The following NEDD9 variants were observed in gnomAD, a reference collection of about 807,000 sequenced individuals.
NEDD9 encodes neural precursor cell expressed, developmentally down-regulated 9.
Under a neutral mutation model 76.6 loss-of-function variants are expected in NEDD9, and 26 were observed. The observed-to-expected ratio is 0.34, with a 90% CI of 0.25 to 0.47. The LOEUF (loss-of-function observed/expected upper bound fraction) is 0.47, where lower values mean the gene tolerates loss of function less well. Ranked by LOEUF, NEDD9 falls within the 20% of genes least tolerant of loss-of-function variation. The pLI, the probability that NEDD9 is intolerant of heterozygous loss-of-function variation, is 1.00. For synonymous variants in NEDD9, 392 were observed against 414.2 expected (o/e 0.95, Z 0.65); for missense variants, 937 against 1,058.5 (o/e 0.89, Z 1.59).
chr6:11,196,851 A>G (rs1758306641), intron 2 of NEDD9, among the ~76,000 whole-genome samples: 1 of 152,140 alleles, frequency 6.6e-6, no homozygotes, highest in African/African-American at 2.4e-5. Context: ...GTGGAAGATC[A>G]GGGAGCTCGA....
intron 1 of NEDD9, among the ~76,000 whole-genome samples, chr6:11,358,436 T>C (rs1325024591): frequency 1.3e-5 from 2 of 152,262 alleles, no homozygotes. Context: ...TGGAATCTTT[T>C]TGGTGTTGGA....
chr6:11,266,355 G>A (rs562685886), intron 3 of NEDD9, among the ~76,000 whole-genome samples: 117 of 152,200 alleles, frequency 7.7e-4, no homozygotes, highest in African/African-American at 2.8e-3. Context: ...TTGGCATCTA[G>A]TAGCATCTGG....
intron 1 of NEDD9, among the ~76,000 whole-genome samples, chr6:11,216,495 T>C (rs944821696): frequency 2.9e-4 from 44 of 152,340 alleles, no homozygotes; most frequent in African/African-American, 1.0e-3. Context: ...AGAATTGCGT[T>C]CTTTCAGTTT....
rs181425683 is a variant in NEDD9, at chr6:11,192,470, C to G, written c.562-24G>C. The G allele has an allele frequency of 1.9e-5, 29 of 1,553,734 alleles. No homozygotes were observed. The African/African-American group carries it at 3.4e-4, about 18-fold the overall frequency. ...ACCTGAAGAGAAACCCGTGAGTTAC[C>G]CAGAATGGAAATGTCTTATACTTGG... On this transcript the variant is annotated intron_variant, in intron 3 of 6. Coordinates refer to ENST00000379446, the MANE Select transcript of NEDD9 (RefSeq NM_006403.4).
rs1442539489 is a variant in NEDD9 at position 11,185,076 on chromosome 6, A to C, written c.*86T>G. 1 of 1,407,490 alleles carries C rather than the reference A, an allele frequency of 7.1e-7. No individual in the cohort carries two copies. The highest frequency in any genetic ancestry group is 9.6e-7 in the Non-Finnish European group (1 of 1,045,932). 87.2% of individuals were successfully genotyped at this position (1,407,490 alleles called of 1,614,324 possible). ...CATTTTTATATAAAATATCTACAAA[A>C]ATAGATAACATTTACAAAAACCAGA... On this transcript the variant is annotated 3_prime_UTR_variant, in exon 7 of 7. Coordinates refer to ENST00000379446, the MANE Select transcript of NEDD9 (RefSeq NM_006403.4).
chr6:11,275,690 T>C (rs1258945248), intron 3 of NEDD9, among the ~76,000 whole-genome samples: 1 of 152,162 alleles, frequency 6.6e-6, no homozygotes, highest in Non-Finnish European at 1.5e-5. Flanking sequence ...GGTGCTAGGA[T>C]AGAAACAAGC....
intron 1 of NEDD9, among the ~76,000 whole-genome samples, chr6:11,220,186 G>A (rs572275920): frequency 6.6e-6 from 1 of 152,226 alleles, no homozygotes; most frequent in East Asian, 1.9e-4. Flanking sequence ...CTGCTGAGAG[G>A]TGTTCAACAT....
chr6:11,297,695 G>A (rs1760930588), intron 3 of NEDD9, among the ~76,000 whole-genome samples: 1 of 151,988 alleles, frequency 6.6e-6, no homozygotes, highest in Non-Finnish European at 1.5e-5. Context: ...CTTCTTTTGA[G>A]GGCTTAGTAC....
intron 3 of NEDD9, chr6:11,305,227 T>C: frequency 2.1e-6 from 2 of 938,782 alleles, no homozygotes; most frequent in South Asian, 1.4e-5. Context: ...ATTTTGAGCA[T>C]GAGTTACTCT....
At chr6:11,286,968 T>C (rs1224268013) in intron 3 of NEDD9, among the ~76,000 whole-genome samples, 1 of 152,202 alleles carries the variant, frequency 6.6e-6, no homozygotes, top group African/African-American at 2.4e-5. Context: ...ATTGGAGGCT[T>C]CTCTACTCAG....
intron 1 of NEDD9, among the ~76,000 whole-genome samples, chr6:11,340,030 C>G (rs1286537384): frequency 6.6e-6 from 1 of 152,222 alleles, no homozygotes; most frequent in Non-Finnish European, 1.5e-5. Context: ...GTGATGGCCG[C>G]AAGTTCAGGT....
chr6:11,261,970 C>T (rs974554059), intron 3 of NEDD9, among the ~76,000 whole-genome samples: 1 of 152,162 alleles, frequency 6.6e-6, no homozygotes, highest in African/African-American at 2.4e-5. Flanking sequence ...TAGTGGAAAC[C>T]TCCACCTTAA....
At chr6:11,364,493 G>A (rs1433590113) in intron 1 of NEDD9, among the ~76,000 whole-genome samples, 2 of 152,148 alleles carry the variant, frequency 1.3e-5, no homozygotes, top group Admixed American at 6.5e-5. Context: ...ATTTTAAGGT[G>A]AGGAAGCTGA....
intron 1 of NEDD9, among the ~76,000 whole-genome samples, chr6:11,363,737 C>A (rs1330807337): frequency 3.3e-5 from 5 of 152,114 alleles, no homozygotes; most frequent in Non-Finnish European, 5.9e-5. Context: ...GATGCATGAA[C>A]CTTTTTTGGG....
rs137979904 is a variant in NEDD9 at position 11,293,353 on chromosome 6, T to C, written c.12+12639A>G. Among the ~76,000 whole-genome samples, 547 of 152,304 alleles carry C rather than the reference T, an allele frequency of 3.6e-3. 6 individuals are homozygous for C. Among genetic ancestry groups the C allele is most frequent in the African/African-American group, 0.011 (450 of 41,564 alleles). On this transcript the variant is annotated intron_variant, in intron 3 of 3. Coordinates refer to the NEDD9 transcript ENST00000397378. ...AGACCTTTCTGGCGCCACAGTGCAC[T>C]TTTCCACTAACCCATGTTAGCAGCC...
At chr6:11,194,481 T>G (rs531388907) in intron 2 of NEDD9, among the ~76,000 whole-genome samples, 1 of 152,378 alleles carries the variant, frequency 6.6e-6, no homozygotes, top group South Asian at 2.1e-4. Context: ...GACATTATTA[T>G]GATGATTATA....
At chr6:11,237,204 G>T (rs573977717), upstream of NEDD9, among the ~76,000 whole-genome samples, 3 of 152,262 alleles carry the variant, frequency 2.0e-5, no homozygotes, top group African/African-American at 7.2e-5. This position sits in a 1 kb window ranked among gnomAD's most constrained non-coding sequence, Gnocchi z 4.9. Flanking sequence ...TTTCCACGTT[G>T]TCTCATAATG....
chr6:11,223,878 C>T (rs2025677), intron 1 of NEDD9, among the ~76,000 whole-genome samples: 138,292 of 152,284 alleles, frequency 0.91, 62,856 homozygotes, highest in East Asian at 1. Context: ...ACATCTTAGA[C>T]AGTTTCCTGC....
intron 2 of NEDD9, among the ~76,000 whole-genome samples, chr6:11,319,975 A>C (rs1418730672): frequency 6.6e-6 from 1 of 152,192 alleles, no homozygotes; most frequent in Admixed American, 6.5e-5. Flanking sequence ...AGAGGAAAAA[A>C]ATATTTCAAG....
Sources: gnomAD v4.1 joint callset for allele counts (sites outside exome capture counted in the v4.1 genomes callset) on GRCh38, gnomAD v4.1.1 for gene constraint, Gnocchi (gnomAD v3.1) non-coding constraint, MANE v1.5 for transcripts, NCBI Gene and HGNC (gene_info 2026-07-23, HGNC 2026-07-21) for gene names.